TAF4: variants seen among roughly 807,000 people sequenced by gnomAD.
The protein encoded by TAF4 is transcription initiation factor TFIID subunit 4.
A neutral mutation model predicts 90.3 loss-of-function variants in TAF4; 9 were observed. The ratio of observed to expected loss-of-function variants is 0.10; its 90% CI spans 0.06 to 0.17. The LOEUF (loss-of-function observed/expected upper bound fraction) is 0.17, where lower values mean the gene tolerates loss of function less well. Ranked by LOEUF, TAF4 falls within the 10% of genes least tolerant of loss-of-function variation. The pLI, the probability that TAF4 is intolerant of heterozygous loss-of-function variation, is 1.00. For missense variants in TAF4, 1,351 were observed against 1,370.7 expected, an observed-to-expected ratio of 0.99 and a Z score of 0.23; for synonymous variants, 818 against 638.9, an observed-to-expected ratio of 1.28 and a Z score of -4.23.
Position 62,065,874 on chromosome 20 carries a change from T to A in TAF4, c.-64A>T, listed in dbSNP as rs1409363835. On this transcript the variant is annotated 5_prime_UTR_variant, in exon 1 of 15. Transcript: ENST00000252996. ...CGAGCGCGCCTGGGCGAGGAGGAGG[T>A]TCCGACTGGGGCGGGCGCTGGGCGG... 5.4e-6 allele frequency: 6 copies of A among 1,121,184 alleles called. No homozygotes were observed. The highest frequency in any genetic ancestry group is 6.6e-6 in the Non-Finnish European group (6 of 904,428). 69.5% of individuals were successfully genotyped at this position (1,121,184 alleles called of 1,614,324 possible).
intron 1 of TAF4, among the ~76,000 whole-genome samples, chr20:62,050,469 G>A: frequency 6.6e-6 from 1 of 152,082 alleles, no homozygotes; most frequent in Non-Finnish European, 1.5e-5. Context: ...TTCCAGACAG[G>A]TGCCCCCACC....
At chr20:61,998,024 A>G in intron 13 of TAF4, 112 bp downstream of exon 13, 1 of 999,460 alleles carries the variant, frequency 1.0e-6, no homozygotes, top group Non-Finnish European at 1.5e-6. Context: ...TTTTAAACAG[A>G]CACGCAAATG....
At chr20:61,993,147 T>C (rs2055642416) in intron 14 of TAF4, among the ~76,000 whole-genome samples, 1 of 152,032 alleles carries the variant, frequency 6.6e-6, no homozygotes. Flanking sequence ...AAAGAGGAAG[T>C]GAGAAGGAAC....
At chr20:61,994,190 G>C (rs1367526058) in intron 14 of TAF4, among the ~76,000 whole-genome samples, 1 of 151,812 alleles carries the variant, frequency 6.6e-6, no homozygotes, top group Non-Finnish European at 1.5e-5. Flanking sequence ...CTCGATATAT[G>C]TTGTTGTTGT....
intron 1 of TAF4, among the ~76,000 whole-genome samples, chr20:62,050,328 G>A (rs554862942): frequency 1.8e-4 from 27 of 152,124 alleles, no homozygotes; most frequent in East Asian, 1.8e-3. Context: ...ATCACTCACC[G>A]CTCCCTTCTC....
intron 9 of TAF4, among the ~76,000 whole-genome samples, chr20:62,002,230 C>CT (rs1433219797): frequency 6.6e-6 from 1 of 152,346 alleles, no homozygotes; most frequent in East Asian, 1.9e-4. Context: ...ATGCTGGCCA[C>CT]CTCTCCCTGC....
At chr20:61,985,672 T>C (rs951627975) in intron 14 of TAF4, among the ~76,000 whole-genome samples, 4 of 151,216 alleles carry the variant, frequency 2.6e-5, no homozygotes, top group African/African-American at 7.3e-5. Context: ...GGTTCCCATG[T>C]AAGGCACGAG....
At chr20:61,998,289 G>C in intron 12 of TAF4, 97 bp from the exon 13 acceptor site, 1 of 1,275,522 alleles carries the variant, frequency 7.8e-7, no homozygotes, top group Non-Finnish European at 1.1e-6. Context: ...ATAACATCTA[G>C]GTAATGTTAA....
intron 1 of TAF4, among the ~76,000 whole-genome samples, chr20:62,041,413 C>T (rs543922168): frequency 2.6e-5 from 4 of 152,224 alleles, no homozygotes; most frequent in East Asian, 1.9e-4. Flanking sequence ...GCATACATGA[C>T]GCTGGTCCCA....
At chr20:62,044,687 T>C (rs1484625398) in intron 1 of TAF4, among the ~76,000 whole-genome samples, 1 of 152,216 alleles carries the variant, frequency 6.6e-6, no homozygotes, top group Admixed American at 6.5e-5. Context: ...TACTAGGATC[T>C]AAGCTTTTCT....
chr20:62,024,853 C>G (rs1042428530), intron 1 of TAF4, among the ~76,000 whole-genome samples: 1 of 151,642 alleles, frequency 6.6e-6, no homozygotes, highest in Non-Finnish European at 1.5e-5. Context: ...CCAGGCAACA[C>G]TGAGAGACTC....
At chr20:62,026,647 C>G (rs568760519) in intron 1 of TAF4, among the ~76,000 whole-genome samples, 1 of 152,254 alleles carries the variant, frequency 6.6e-6, no homozygotes, top group East Asian at 1.9e-4. Flanking sequence ...AGCCAGGCTC[C>G]GCAGAAACAC....
intron 1 of TAF4, among the ~76,000 whole-genome samples, chr20:62,060,347 T>C (rs1041837022): frequency 2.0e-5 from 3 of 152,248 alleles, no homozygotes; most frequent in African/African-American, 7.2e-5. Context: ...AGACCTCTGC[T>C]GTGAATGCAG....
At chr20:61,993,012 A>T (rs1287904494) in intron 14 of TAF4, among the ~76,000 whole-genome samples, 3 of 152,158 alleles carry the variant, frequency 2.0e-5, no homozygotes, top group African/African-American at 7.2e-5. Flanking sequence ...CAACCTGTTG[A>T]TCCATTATCT....
chr20:62,063,373 G>A (rs2056100718), intron 1 of TAF4, among the ~76,000 whole-genome samples: 1 of 152,012 alleles, frequency 6.6e-6, no homozygotes, highest in Non-Finnish European at 1.5e-5. Flanking sequence ...CTGCCACCGC[G>A]CTGCTACAAC....
chr20:61,989,211 G>A (rs1425829129), intron 14 of TAF4, among the ~76,000 whole-genome samples: 1 of 152,114 alleles, frequency 6.6e-6, no homozygotes, highest in Non-Finnish European at 1.5e-5. Flanking sequence ...CCGAGCTCTG[G>A]CTGCTGGCAC....
At chr20:61,976,461 G>A (rs1031345198) in intron 14 of TAF4, 126 bp from the exon 15 acceptor site, 1 of 1,117,992 alleles carries the variant, frequency 8.9e-7, no homozygotes, top group Non-Finnish European at 1.3e-6. Flanking sequence ...GCTCCTTCCG[G>A]TAGGCCCACA....
intron 1 of TAF4, among the ~76,000 whole-genome samples, chr20:62,044,029 G>C (rs762516019): frequency 2.0e-5 from 3 of 152,180 alleles, no homozygotes; most frequent in Non-Finnish European, 2.9e-5. Context: ...CCTTAAGACT[G>C]AGCCTCCCCT....
At chr20:62,018,518 C>T (rs890487750) in intron 1 of TAF4, among the ~76,000 whole-genome samples, 1 of 152,274 alleles carries the variant, frequency 6.6e-6, no homozygotes, top group African/African-American at 2.4e-5. Context: ...CCTGCCTCTA[C>T]TCCTCTCTCT....
Sources: allele counts gnomAD v4.1 joint callset (sites outside exome capture counted in the v4.1 genomes callset), GRCh38; gene constraint gnomAD v4.1.1; transcripts MANE v1.5; gene names NCBI Gene and HGNC (gene_info 2026-07-23, HGNC 2026-07-21).